Variants in AGAP1 observed in about 807,000 individuals in gnomAD.
The protein encoded by AGAP1 is ArfGAP with GTPase domain, ankyrin repeat and PH domain 1.
A neutral mutation model predicts 105.3 loss-of-function variants in AGAP1; 29 were observed. That is an observed-to-expected ratio of 0.28 (90% CI 0.21 to 0.38). The LOEUF (loss-of-function observed/expected upper bound fraction) is 0.38. Among genes scored for constraint, AGAP1 ranks in the 10% least tolerant of loss-of-function variants. The pLI, the probability that AGAP1 is intolerant of heterozygous loss-of-function variation, is 1.00. For synonymous variants in AGAP1, 509 were observed against 485.9 expected (o/e 1.05, Z -0.63); for missense variants, 998 against 1,165.1 (o/e 0.86, Z 2.09).
In AGAP1 at chr2:235,888,164, A is replaced by G. The variant is rs1051540608; in HGVS notation, c.1155+4715A>G. On this transcript the variant is annotated intron_variant, in intron 10 of 17. Transcript: ENST00000304032. The surrounding 1 kb of genome is among the most constrained non-coding windows in gnomAD (Gnocchi z 4.8). Reference sequence around the variant, plus strand: ...GGAGCAAGAGTAAACAACTGAGTCAAGTTTAAACGGAATAGGCCAATGTGG... The same window carrying G: ...GGAGCAAGAGTAAACAACTGAGTCAGGTTTAAACGGAATAGGCCAATGTGG... Among the ~76,000 whole-genome samples, 1 of 152,118 alleles carries G rather than the reference A, an allele frequency of 6.6e-6. No individual in the cohort carries two copies. The highest frequency in any genetic ancestry group is 1.5e-5 in the Non-Finnish European group (1 of 68,028).
At chr2:235,831,846 T>C (rs1053898894) in intron 9 of AGAP1, among the ~76,000 whole-genome samples, 3 of 152,224 alleles carry the variant, frequency 2.0e-5, no homozygotes, top group African/African-American at 7.2e-5. Context: ...GATTGCTAGA[T>C]TGTATGGTAA....
At chr2:235,998,666 G>C (rs2055921076) in intron 13 of AGAP1, among the ~76,000 whole-genome samples, 1 of 152,072 alleles carries the variant, frequency 6.6e-6, no homozygotes, top group African/African-American at 2.4e-5. Flanking sequence ...GGTGGTGGTG[G>C]TGGTGGTGGT....
intron 8 of AGAP1, among the ~76,000 whole-genome samples, chr2:235,805,476 AGATG>A (rs1957791145): frequency 6.6e-6 from 1 of 152,196 alleles, no homozygotes; most frequent in African/African-American, 2.4e-5. Flanking sequence ...AGAATAATGA[AGATG>A]GATTTCCAAA....
chr2:236,093,523 T>G (rs1037249830), intron 16 of AGAP1, among the ~76,000 whole-genome samples: 1 of 152,182 alleles, frequency 6.6e-6, no homozygotes, highest in Non-Finnish European at 1.5e-5. Flanking sequence ...AGAAATAGCT[T>G]GAAATCCTCA....
intron 1 of AGAP1, among the ~76,000 whole-genome samples, chr2:235,694,179 A>G (rs1436270869): frequency 6.7e-6 from 1 of 148,730 alleles, no homozygotes; most frequent in Non-Finnish European, 1.5e-5. Flanking sequence ...CCCCGCCTCT[A>G]CTAAAAATAC....
rs1443019456 is a variant in AGAP1 at position 235,754,294 on chromosome 2, T to G, written c.673+3806T>G. On this transcript the variant is annotated intron_variant, in intron 6 of 17. Coordinates refer to ENST00000304032, the MANE Select transcript of AGAP1 (RefSeq NM_001037131.3). The surrounding 1 kb of genome is among the most constrained non-coding windows in gnomAD (Gnocchi z 4.6). ...TGCTCGCCGACTCAGTTTATTCACA[T>G]TTCTTGATAACTCTCTGGCTTCTTT... 6.6e-6 allele frequency among the ~76,000 whole-genome samples: 1 copy of G among 152,230 alleles called. No individual in the cohort carries two copies. Among genetic ancestry groups the G allele is most frequent in the Non-Finnish European group, 1.5e-5 (1 of 68,048 alleles).
chr2:235,533,997 C>A (rs1943127751), intron 1 of AGAP1, among the ~76,000 whole-genome samples: 1 of 152,208 alleles, frequency 6.6e-6, no homozygotes, highest in Non-Finnish European at 1.5e-5. Context: ...TTCAGGGGAG[C>A]CACATGGGAA....
rs937113898 is a variant in AGAP1 at position 235,981,659 on chromosome 2, G to C, written c.1645+13036G>C. Among the ~76,000 whole-genome samples the C allele has an allele frequency of 1.3e-5, 2 of 152,158 alleles. No homozygotes were observed. The highest frequency in any genetic ancestry group is 2.4e-5 in the African/African-American group (1 of 41,438). Reference sequence around the variant, plus strand: ...GCCATGTGTCAGGCACTGGGCTTAAGTGCTTTACACGCAGCGTCTCATAAC... The same window carrying C: ...GCCATGTGTCAGGCACTGGGCTTAACTGCTTTACACGCAGCGTCTCATAAC... On this transcript the variant is annotated intron_variant, in intron 13 of 17. Coordinates refer to ENST00000304032, the MANE Select transcript of AGAP1 (RefSeq NM_001037131.3). This position sits in a 1 kb window ranked among gnomAD's most constrained non-coding sequence, Gnocchi z 5.5.
At chr2:235,782,454 G>A (rs1956325581) in intron 6 of AGAP1, among the ~76,000 whole-genome samples, 1 of 152,184 alleles carries the variant, frequency 6.6e-6, no homozygotes. Flanking sequence ...CTCATCCACA[G>A]ATGTATTTGA....
chr2:235,800,929 G>A (rs1957466452), intron 8 of AGAP1, among the ~76,000 whole-genome samples: 1 of 152,198 alleles, frequency 6.6e-6, no homozygotes, highest in Admixed American at 6.5e-5. Context: ...AAGCTCTAGA[G>A]GGGTGGCTGG....
intron 1 of AGAP1, among the ~76,000 whole-genome samples, chr2:235,585,145 A>G (rs909919530): frequency 4.6e-5 from 7 of 151,988 alleles, no homozygotes; most frequent in Non-Finnish European, 1.0e-4. Context: ...ACAAATTACC[A>G]CACACTAAGT....
chr2:236,094,120 A>G (rs761496198), intron 16 of AGAP1, among the ~76,000 whole-genome samples: 68 of 152,106 alleles, frequency 4.5e-4, no homozygotes, highest in Non-Finnish European at 7.8e-4. Flanking sequence ...AACACCTGAA[A>G]TACAGTGACG....
At position 235,882,343 on chromosome 2, in the gene AGAP1, C is replaced by T. The variant is rs2050066971; in HGVS notation, c.1051-1002C>T. The T allele has an allele frequency of 3.4e-6, 4 of 1,175,760 alleles. No individual in the cohort carries two copies. In the South Asian group the frequency reaches 3.9e-5, roughly 11 times the overall value. The allele number at this position is 1,175,760 out of a possible 1,614,324, so 72.8% of individuals were successfully genotyped here. A position where few individuals can be genotyped will look rare whatever the true frequency, so the allele number is the denominator to read the frequency against. On this transcript the variant is annotated intron_variant, in intron 9 of 17. Coordinates refer to ENST00000304032, the MANE Select transcript of AGAP1 (RefSeq NM_001037131.3). This position sits in a 1 kb window ranked among gnomAD's most constrained non-coding sequence, Gnocchi z 4.6. ...ACTGGGGTCTTAAGGATGACGAGGGCAGGAAATCCTCCGGGCTCTTAGGAA... is the reference window on the plus strand; with the variant it reads ...ACTGGGGTCTTAAGGATGACGAGGGTAGGAAATCCTCCGGGCTCTTAGGAA...
intron 1 of AGAP1, among the ~76,000 whole-genome samples, chr2:235,626,282 C>T (rs1380383464): frequency 6.6e-6 from 1 of 152,142 alleles, no homozygotes; most frequent in Non-Finnish European, 1.5e-5. Context: ...AGTTTGAACC[C>T]GAGAGGCAGA....
rs952725920 is a variant in AGAP1, at chr2:235,729,193, A to ATGGCTGGAAC, written c.310+11549_310+11550insTGGCTGGAAC. Among the ~76,000 whole-genome samples, 10 of 152,148 alleles carry ATGGCTGGAAC rather than the reference A, an allele frequency of 6.6e-5. No homozygotes were observed. The highest frequency in any genetic ancestry group is 5.8e-4 in the East Asian group (3 of 5,186). On this transcript the variant is annotated intron_variant, in intron 3 of 17. Transcript: ENST00000304032. This position sits in a 1 kb window ranked among gnomAD's most constrained non-coding sequence, Gnocchi z 5.0. Reference sequence around the variant, plus strand: ...ATGGGATGAGCTGCTGGAACCCATCACCATGAAGCCCCCTGCACTAACTAG... The same window carrying ATGGCTGGAAC: ...ATGGGATGAGCTGCTGGAACCCATCATGGCTGGAACCCATGAAGCCCCCTGCACTAACTAG...
rs759294831 is a variant in AGAP1, at chr2:235,865,958, T to A, written c.1051-17387T>A. On this transcript the variant is annotated intron_variant, in intron 9 of 17. Transcript: ENST00000304032. This position sits in a 1 kb window ranked among gnomAD's most constrained non-coding sequence, Gnocchi z 6.2. The stretch of plus-strand genomic sequence containing the variant: ...ATTTCTATGTTATCGATTTACTTCT[T>A]TCACTTAACGGCATTTTCTGCAGCT... Among the ~76,000 whole-genome samples, 14 of 152,218 alleles carry A rather than the reference T, an allele frequency of 9.2e-5. No homozygotes were observed. Among genetic ancestry groups the A allele is most frequent in the Non-Finnish European group, 1.9e-4 (13 of 68,030 alleles).
rs1246300790 is a variant in AGAP1 at position 235,494,145 on chromosome 2, G to T, written c.-542G>T. 6.9e-6 allele frequency: 1 copy of T among 144,706 alleles called. No homozygotes were observed. The highest frequency in any genetic ancestry group is 2.5e-5 in the African/African-American group (1 of 40,212). The allele number at this position is 144,706 out of a possible 1,614,324, so 9.0% of individuals were successfully genotyped here. The stretch of plus-strand genomic sequence containing the variant: ...GCGCCTGCGACTCGGTCCCAGGTCG[G>T]CGGGCGGCGCACGGCGGGCTCGCGC... On this transcript the variant is annotated 5_prime_UTR_variant, in exon 1 of 18. Transcript: ENST00000304032.
intron 1 of AGAP1, among the ~76,000 whole-genome samples, chr2:235,579,808 G>C (rs72986868): frequency 6.6e-6 from 1 of 150,910 alleles, no homozygotes; most frequent in Non-Finnish European, 1.5e-5. Flanking sequence ...CTTACTTAGC[G>C]TATGCACCAC....
chr2:235,697,481 G>T (rs1950050488), intron 1 of AGAP1, among the ~76,000 whole-genome samples: 1 of 152,304 alleles, frequency 6.6e-6, no homozygotes, highest in Non-Finnish European at 1.5e-5. Context: ...ATGGCAGGGG[G>T]GACCAATACC....
Sources: gnomAD v4.1 joint callset for allele counts (sites outside exome capture counted in the v4.1 genomes callset) on GRCh38, gnomAD v4.1.1 for gene constraint, Gnocchi (gnomAD v3.1) non-coding constraint, MANE v1.5 for transcripts, NCBI Gene and HGNC (gene_info 2026-07-23, HGNC 2026-07-21) for gene names.